Variants in TPTE2 observed in about 807,000 individuals in gnomAD.
TPTE2 encodes the protein phosphatidylinositol 3,4,5-trisphosphate 3-phosphatase TPTE2.
In TPTE2, 53 loss-of-function variants were observed where a neutral mutation model predicts 78.6. The observed-to-expected ratio is 0.67, with a 90% CI of 0.54 to 0.85. The LOEUF (loss-of-function observed/expected upper bound fraction) is 0.85, where lower values mean the gene tolerates loss of function less well. Ranked by LOEUF, TPTE2 falls within the 40% of genes least tolerant of loss-of-function variation. The pLI, the probability that TPTE2 is intolerant of heterozygous loss-of-function variation, is 0.00. For missense variants in TPTE2, 461 were observed against 623.0 expected (o/e 0.74, Z 2.77); for synonymous variants, 175 against 206.2 (o/e 0.85, Z 1.30).
intron 1 of TPTE2, among the ~76,000 whole-genome samples, chr13:19,517,229 A>C (rs1869851342): frequency 6.6e-6 from 1 of 152,206 alleles, no homozygotes; most frequent in Non-Finnish European, 1.5e-5. Context: ...AACATTCTCT[A>C]AGAGGGAGAA....
At chr13:19,538,854 C>T (rs1053690266), upstream of TPTE2, among the ~76,000 whole-genome samples, 1 of 152,128 alleles carries the variant, frequency 6.6e-6, no homozygotes, top group Admixed American at 6.5e-5. Context: ...TCATTTAAAT[C>T]ATAAATCCGA....
intron 6 of TPTE2, among the ~76,000 whole-genome samples, chr13:19,470,210 C>A (rs1157373598): frequency 1.3e-5 from 2 of 151,976 alleles, no homozygotes; most frequent in African/African-American, 4.8e-5. Flanking sequence ...ACTTCTATAC[C>A]CAGTTTTTTT....
intron 10 of TPTE2, among the ~76,000 whole-genome samples, chr13:19,452,071 T>C (rs1878224639): frequency 6.6e-6 from 1 of 152,052 alleles, no homozygotes. Context: ...AAATAAAATT[T>C]TCAAAGTCAT....
the TPTE2 span, among the ~76,000 whole-genome samples, chr13:19,547,579 T>C: frequency 6.6e-6 from 1 of 151,944 alleles, no homozygotes; most frequent in Non-Finnish European, 1.5e-5. Flanking sequence ...TATAGCTCCA[T>C]TATTCAAAAG....
chr13:19,554,581 T>C, the TPTE2 span, among the ~76,000 whole-genome samples: 1 of 152,078 alleles, frequency 6.6e-6, no homozygotes, highest in African/African-American at 2.4e-5. Context: ...AGCTTGTAGT[T>C]ACACTTTTGT....
At chr13:19,480,301 T>C (rs1316055994) in intron 4 of TPTE2, among the ~76,000 whole-genome samples, 1 of 152,004 alleles carries the variant, frequency 6.6e-6, no homozygotes, top group African/African-American at 2.4e-5. Flanking sequence ...GTAAGGACAA[T>C]ATAGGGGGAT....
At chr13:19,554,134 G>C in the TPTE2 span, among the ~76,000 whole-genome samples, 2 of 151,706 alleles carry the variant, frequency 1.3e-5, no homozygotes, top group Non-Finnish European at 2.9e-5. Flanking sequence ...CCAGGACTTT[G>C]GGAGGCTGAG....
At chr13:19,526,783 T>G (rs1446179611) in intron 1 of TPTE2, among the ~76,000 whole-genome samples, 7 of 152,172 alleles carry the variant, frequency 4.6e-5, no homozygotes, top group Non-Finnish European at 2.9e-5. Flanking sequence ...CATGTCTATT[T>G]GTATATAAAA....
the TPTE2 span, among the ~76,000 whole-genome samples, chr13:19,544,933 C>T: frequency 1.2e-5 from 1 of 83,964 alleles, no homozygotes; most frequent in Non-Finnish European, 2.4e-5. Flanking sequence ...CACGTGCACA[C>T]TCACACACAC....
At chr13:19,487,312 A>G (rs1033970470) in intron 3 of TPTE2, among the ~76,000 whole-genome samples, 6 of 151,922 alleles carry the variant, frequency 3.9e-5, no homozygotes, top group African/African-American at 1.2e-4. Flanking sequence ...TGTGCCTGCT[A>G]GGGGCAGCCT....
chr13:19,546,766 AGG>A, the TPTE2 span, among the ~76,000 whole-genome samples: 1 of 152,060 alleles, frequency 6.6e-6, no homozygotes, highest in African/African-American at 2.4e-5. Context: ...CTGGGACTAC[AGG>A]CATGAGCCAC....
At chr13:19,445,460 G>A (rs1023398251) in intron 13 of TPTE2, among the ~76,000 whole-genome samples, 2 of 152,140 alleles carry the variant, frequency 1.3e-5, no homozygotes, top group Non-Finnish European at 2.9e-5. Context: ...AAGTATTGGG[G>A]AAGATACGGA....
exon 8 of TPTE2, chr13:19,465,471 T>C: frequency 1.2e-6 from 2 of 1,608,572 alleles, no homozygotes; most frequent in Non-Finnish European, 1.7e-6. Flanking sequence ...TTACCAGCCT[T>C]CTCATCAGCT....
chr13:19,537,761 C>T (rs1871293958), upstream of TPTE2, among the ~76,000 whole-genome samples: 1 of 151,424 alleles, frequency 6.6e-6, no homozygotes, highest in African/African-American at 2.4e-5. Flanking sequence ...CACGACCATG[C>T]CCAGCTAGGT....
At chr13:19,433,127 C>CT (rs1296614694) in intron 15 of TPTE2, among the ~76,000 whole-genome samples, 1 of 152,136 alleles carries the variant, frequency 6.6e-6, no homozygotes, top group African/African-American at 2.4e-5. Flanking sequence ...TGTCCTTTCC[C>CT]TGGGGCAAGC....
chr13:19,490,496 CA>C (rs1349317880), intron 3 of TPTE2, among the ~76,000 whole-genome samples: 3 of 152,078 alleles, frequency 2.0e-5, no homozygotes, highest in Non-Finnish European at 4.4e-5. Context: ...CTTAATGAAT[CA>C]AGTTTATATA....
intron 4 of TPTE2, among the ~76,000 whole-genome samples, chr13:19,476,689 G>A (rs1172617536): frequency 6.6e-6 from 1 of 152,134 alleles, no homozygotes. Context: ...AGTCAGAATG[G>A]CTATTACTAA....
chr13:19,457,466 T>A (rs1878607541), intron 10 of TPTE2, among the ~76,000 whole-genome samples: 1 of 152,120 alleles, frequency 6.6e-6, no homozygotes, highest in Non-Finnish European at 1.5e-5. Flanking sequence ...GATCATCCCA[T>A]CCCTATGTAT....
At position 19,535,611 on chromosome 13, in the gene TPTE2, C is replaced by CTTAT. The variant is rs112733083; in HGVS notation, c.-44+981_-44+984dup. ...TAAGTAATACTATCTCCAGGATTTT[C>CTTAT]TTATTTATTTATTTATTTATTTATT... On this transcript the variant is annotated intron_variant, in intron 1 of 17. Coordinates refer to the TPTE2 transcript ENST00000390680. The surrounding 1 kb of genome is among the most constrained non-coding windows in gnomAD (Gnocchi z 5.1). 0.024 allele frequency among the ~76,000 whole-genome samples: 3,570 copies of CTTAT among 146,478 alleles called. 110 individuals are homozygous for CTTAT. The highest frequency in any genetic ancestry group is 0.068 in the African/African-American group (2,716 of 39,712).
Sources: gnomAD v4.1 joint callset for allele counts (sites outside exome capture counted in the v4.1 genomes callset) on GRCh38, gnomAD v4.1.1 for gene constraint, Gnocchi (gnomAD v3.1) non-coding constraint, MANE v1.5 for transcripts, NCBI Gene and HGNC (gene_info 2026-07-23, HGNC 2026-07-21) for gene names.